Variants in DIPK1A observed in about 807,000 individuals in gnomAD.
DIPK1A encodes the protein divergent protein kinase domain 1A.
In DIPK1A, 27 loss-of-function variants were observed where a neutral mutation model predicts 40.8. The ratio of observed to expected loss-of-function variants is 0.66; its 90% confidence interval spans 0.49 to 0.91. The LOEUF is 0.91. Ranked by LOEUF, DIPK1A falls within the 40% of genes least tolerant of loss-of-function variation. The probability of loss-of-function intolerance (pLI) is 0.00; values close to 1 mark genes in which losing one functional copy is unlikely to be tolerated. For synonymous variants in DIPK1A, 166 were observed against 171.3 expected (o/e 0.97, Z 0.24); for missense variants, 412 against 505.7 (o/e 0.81, Z 1.78).
chr1:92,872,268 G>GA (rs376665480), intron 2 of DIPK1A, among the ~76,000 whole-genome samples: 2 of 151,562 alleles, frequency 1.3e-5, no homozygotes, highest in African/African-American at 4.8e-5. Flanking sequence ...TTTTAGTAGA[G>GA]ACAGGTTTTT....
chr1:92,935,408 T>C (rs1176052726), intron 1 of DIPK1A, among the ~76,000 whole-genome samples: 1 of 152,172 alleles, frequency 6.6e-6, no homozygotes, highest in African/African-American at 2.4e-5. Flanking sequence ...CAAAATAAAA[T>C]GAGATTAGAA....
At chr1:92,927,963 G>A (rs1164692189) in intron 1 of DIPK1A, among the ~76,000 whole-genome samples, 1 of 152,164 alleles carries the variant, frequency 6.6e-6, no homozygotes, top group Non-Finnish European at 1.5e-5. Context: ...CATTTCCACT[G>A]GGTATATATC....
chr1:92,917,348 A>G (rs1041512318), intron 1 of DIPK1A, among the ~76,000 whole-genome samples: 58 of 152,122 alleles, frequency 3.8e-4, no homozygotes, highest in African/African-American at 1.3e-3. Flanking sequence ...CCAAATCATT[A>G]TGAGTTTTTC....
intron 1 of DIPK1A, among the ~76,000 whole-genome samples, chr1:92,910,879 TC>T (rs1376484465): frequency 2.6e-5 from 4 of 152,214 alleles, no homozygotes; most frequent in Admixed American, 6.5e-5. Context: ...CATGTGTAGG[TC>T]TATGTCTCCA....
chr1:92,947,065 A>C (rs1180806712), intron 1 of DIPK1A, among the ~76,000 whole-genome samples: 3 of 152,108 alleles, frequency 2.0e-5, no homozygotes, highest in Non-Finnish European at 4.4e-5. Context: ...CCCTGATATA[A>C]TTATATTTAG....
chr1:92,948,881 T>G (rs1048502912), intron 1 of DIPK1A, among the ~76,000 whole-genome samples: 2 of 150,746 alleles, frequency 1.3e-5, no homozygotes, highest in African/African-American at 4.9e-5. Context: ...CTTGGCTCAC[T>G]GCAGCCTCCA....
At chr1:92,847,420 C>G in intron 3 of DIPK1A, 61 bp from the exon 4 acceptor site, 8 of 1,105,614 alleles carry the variant, frequency 7.2e-6, no homozygotes, top group Non-Finnish European at 8.6e-6. Context: ...AAAAAATATA[C>G]TACTATATTT....
At chr1:92,932,630 T>C (rs1245713381) in intron 1 of DIPK1A, 1 of 152,186 alleles carries the variant, frequency 6.6e-6, no homozygotes, top group Non-Finnish European at 1.5e-5. Context: ...TTTAAGATTT[T>C]AGAAAATTAT....
At chr1:92,851,355 C>T (rs1414212115) in intron 2 of DIPK1A, among the ~76,000 whole-genome samples, 1 of 151,682 alleles carries the variant, frequency 6.6e-6, no homozygotes, top group East Asian at 1.9e-4. Context: ...ACCAGCCTGG[C>T]TAACATGGTG....
downstream of DIPK1A, chr1:92,840,466 AGAAG>A: frequency 1.0e-5 from 10 of 986,856 alleles, no homozygotes; most frequent in Non-Finnish European, 1.3e-5. Flanking sequence ...AATCTGGCTT[AGAAG>A]GACAAGATAA....
chr1:92,913,766 C>T (rs1649936489), intron 1 of DIPK1A, among the ~76,000 whole-genome samples: 1 of 152,194 alleles, frequency 6.6e-6, no homozygotes, highest in South Asian at 2.1e-4. Context: ...GCCCTCTCTG[C>T]CTGTCTCCTC....
At chr1:92,845,598 G>A (rs1687575245) in intron 4 of DIPK1A, 1 of 282,738 alleles carries the variant, frequency 3.5e-6, no homozygotes, top group Admixed American at 4.6e-5. Flanking sequence ...CAGCGCTTTG[G>A]GAGGCTGAGG....
downstream of DIPK1A, among the ~76,000 whole-genome samples, chr1:92,839,658 A>G (rs1202160828): frequency 6.6e-6 from 1 of 152,222 alleles, no homozygotes; most frequent in Non-Finnish European, 1.5e-5. Context: ...TCTTGGTCCC[A>G]TACGTTCATC....
In DIPK1A at chr1:92,921,661, C is replaced by T. The variant is rs114599006; in HGVS notation, c.54+39715G>A. 2.3e-3 allele frequency among the ~76,000 whole-genome samples: 344 copies of T among 152,206 alleles called. 2 individuals are homozygous for T. Among genetic ancestry groups the T allele is most frequent in the African/African-American group, 7.8e-3 (325 of 41,516 alleles). On this transcript the variant is annotated intron_variant, in intron 1 of 4. Transcript: ENST00000370310. ...ACTGTCTGGAGAAAGACCAGCTCCTCGGAGTTGGGCAGTAGGTAAGAACAG... is the reference window on the plus strand; with the variant it reads ...ACTGTCTGGAGAAAGACCAGCTCCTTGGAGTTGGGCAGTAGGTAAGAACAG...
intron 1 of DIPK1A, among the ~76,000 whole-genome samples, chr1:92,941,119 T>G (rs1423417584): frequency 6.6e-6 from 1 of 152,162 alleles, no homozygotes; most frequent in Non-Finnish European, 1.5e-5. Context: ...TTAATTTTGA[T>G]AAGATCAAAT....
Position 92,842,351 on chromosome 1 carries a change from T to G in DIPK1A, c.*1032A>C, listed in dbSNP as rs4240962. On this transcript the variant is annotated 3_prime_UTR_variant, in exon 5 of 5. Transcript: ENST00000370310. ...GAAACCTTTGAGCAGAAAATAGTGGTTCTTTTCTCCAAAAGGTGTTTAATT... is the reference window on the plus strand; with the variant it reads ...GAAACCTTTGAGCAGAAAATAGTGGGTCTTTTCTCCAAAAGGTGTTTAATT... 1 of 985,276 alleles carries G rather than the reference T, an allele frequency of 1.0e-6. No homozygotes were observed. Among genetic ancestry groups the G allele is most frequent in the Non-Finnish European group, 1.2e-6 (1 of 829,854 alleles). The allele number at this position is 985,276 out of a possible 1,614,324, so 61.0% of individuals were successfully genotyped here.
At chr1:92,882,670 G>A (rs574086446) in intron 1 of DIPK1A, among the ~76,000 whole-genome samples, 1 of 152,210 alleles carries the variant, frequency 6.6e-6, no homozygotes, top group African/African-American at 2.4e-5. Flanking sequence ...TTGCTGTAGA[G>A]TATTCCACTG....
Position 92,843,519 on chromosome 1 carries a change from T to C in DIPK1A, c.1151A>G (p.Glu384Gly), listed in dbSNP as rs559418823. ...LLRGAPSEIR[E>G]ELEKQLYSCI... is the part of the protein sequence containing the mutation. ...AGAATAAAGCTGCTTTTCTAATTCT[T>C]CACGAATTTCACTTGGAGCACCACG... Residue 384 changes from glutamate to glycine, a missense_variant, in exon 5 of 5, where the codon GAA becomes GGA. Physicochemically the swap from Glu to Gly is moderately conservative, Grantham distance 98. Transcript: ENST00000370310. The C allele has an allele frequency of 3.0e-5, 47 of 1,552,006 alleles. 1 individual carries two copies. In the South Asian group the frequency reaches 4.8e-4, roughly 16 times the overall value.
downstream of DIPK1A, among the ~76,000 whole-genome samples, chr1:92,839,836 T>G (rs997150393): frequency 6.6e-6 from 1 of 152,062 alleles, no homozygotes; most frequent in Non-Finnish European, 1.5e-5. Context: ...ATTTTTCTTT[T>G]TGTTTTCTTA....
Sources: allele counts gnomAD v4.1 joint callset (sites outside exome capture counted in the v4.1 genomes callset), GRCh38; gene constraint gnomAD v4.1.1; transcripts MANE v1.5; gene names NCBI Gene and HGNC (gene_info 2026-07-23, HGNC 2026-07-21).